The following HTR1F variants were observed in gnomAD, a reference collection of about 807,000 sequenced individuals.
HTR1F encodes 5-hydroxytryptamine (serotonin) receptor 1F, G protein-coupled.
HTR1F carries 17 observed loss-of-function variants against 24.0 expected under a neutral mutation model. The observed-to-expected ratio is 0.71, with a 90% CI of 0.48 to 1.06. HTR1F has a LOEUF of 1.06. Ranked by LOEUF, HTR1F falls within the 50% of genes least tolerant of loss-of-function variation. The probability of loss-of-function intolerance (pLI) is 0.00; values close to 1 mark genes in which losing one functional copy is unlikely to be tolerated. For synonymous variants in HTR1F, 186 were observed against 156.8 expected, an observed-to-expected ratio of 1.19 and a Z score of -1.39; for missense variants, 391 against 427.8, an observed-to-expected ratio of 0.91 and a Z score of 0.76.
At chr3:87,850,915 T>C (rs1167762826) in intron 2 of HTR1F, among the ~76,000 whole-genome samples, 3 of 151,642 alleles carry the variant, frequency 2.0e-5, no homozygotes, top group Admixed American at 6.6e-5. Context: ...CATCACAGTT[T>C]TTTATTTACC....
At chr3:87,907,003 C>G (rs1294286466) in intron 2 of HTR1F, among the ~76,000 whole-genome samples, 1 of 151,996 alleles carries the variant, frequency 6.6e-6, no homozygotes, top group Non-Finnish European at 1.5e-5. Flanking sequence ...TATGCATGTG[C>G]AACTATCTTT....
intron 2 of HTR1F, among the ~76,000 whole-genome samples, chr3:87,823,770 C>CA (rs1704407452): frequency 1.3e-5 from 2 of 151,906 alleles, no homozygotes; most frequent in South Asian, 4.2e-4. Flanking sequence ...TTAAAAAAAA[C>CA]AAAAACAGGC....
intron 1 of HTR1F, chr3:87,793,496 G>A (rs950974063): frequency 4.6e-5 from 7 of 152,204 alleles, no homozygotes; most frequent in Non-Finnish European, 1.0e-4. Context: ...ACTCAAGGTA[G>A]GGTTGTTGGC....
In HTR1F at chr3:87,987,709, T is replaced by TATATGTATTTTATATATATAAA. The variant is rs1559660140; in HGVS notation, c.-42-2995_-42-2994insGTATTTTATATATATAAAATAT. Among the ~76,000 whole-genome samples the TATATGTATTTTATATATATAAA allele has an allele frequency of 6.2e-5, 7 of 112,094 alleles. 1 individual carries two copies. Among genetic ancestry groups the TATATGTATTTTATATATATAAA allele is most frequent in the African/African-American group, 2.5e-4 (7 of 27,940 alleles). 73.5% of individuals were successfully genotyped at this position (112,094 alleles called of 152,430 possible). A position where few individuals can be genotyped will look rare whatever the true frequency, so the allele number is the denominator to read the frequency against. On this transcript the variant is annotated intron_variant, in intron 2 of 2. Transcript: ENST00000319595. ...TTATATATATAAAATATATGTATTATATATATGTATTTTATATATGTATTT... is the reference window on the plus strand; with the variant it reads ...TTATATATATAAAATATATGTATTATATATGTATTTTATATATATAAAATATATGTATTTTATATATGTATTT...
chr3:87,961,634 T>A (rs1705062226), intron 2 of HTR1F, among the ~76,000 whole-genome samples: 1 of 151,962 alleles, frequency 6.6e-6, no homozygotes, highest in Non-Finnish European at 1.5e-5. Flanking sequence ...AACTTTAAAA[T>A]TTTTTTGAAC....
Position 87,991,197 on chromosome 3 carries a change from A to G in HTR1F, c.448A>G (p.Ile150Val), listed in dbSNP as rs1193343404. 2 of 1,613,878 alleles carry G rather than the reference A, an allele frequency of 1.2e-6. No homozygotes were observed. The highest frequency in any genetic ancestry group is 2.7e-5 in the African/African-American group (2 of 74,922). ...AGIMITIVWI[I>V]SVFISMPPLF... ...CATTATGATTACAATAGTTTGGATTATATCTGTTTTTATCTCTATGCCTCC... is the reference window on the plus strand; with the variant it reads ...CATTATGATTACAATAGTTTGGATTGTATCTGTTTTTATCTCTATGCCTCC... Residue 150 changes from isoleucine (I) to valine (V), a missense_variant, in exon 3 of 3, where the codon ATA (isoleucine) becomes GTA (valine). By Grantham distance (29) the Ile-to-Val change is conservative. Coordinates refer to ENST00000319595, the MANE Select transcript of HTR1F (RefSeq NM_001322209.2).
At chr3:87,816,767 T>C (rs573643635) in intron 1 of HTR1F, among the ~76,000 whole-genome samples, 36 of 152,232 alleles carry the variant, frequency 2.4e-4, no homozygotes, top group African/African-American at 8.7e-4. Context: ...GACTAGTGAC[T>C]AAAATAAGGT....
chr3:87,840,544 T>C (rs1390065786), intron 2 of HTR1F, among the ~76,000 whole-genome samples: 2 of 151,992 alleles, frequency 1.3e-5, no homozygotes, highest in Admixed American at 1.3e-4. Flanking sequence ...GTACAAAGCT[T>C]CCCACAATAA....
rs202117393 is a variant in HTR1F, at chr3:87,841,324, CA to C, written c.-43+19204del. Reference sequence around the variant, plus strand: ...ATAGAGTCTCTTGTAAACATTAAAGCAAAACTTCTCTAGGATTTTCTTAGTC... The same window carrying C: ...ATAGAGTCTCTTGTAAACATTAAAGCAAACTTCTCTAGGATTTTCTTAGTC... On this transcript the variant is annotated intron_variant, in intron 2 of 2. Coordinates refer to ENST00000319595, the MANE Select transcript of HTR1F (RefSeq NM_001322209.2). Among the ~76,000 whole-genome samples the C allele has an allele frequency of 1.6e-3, 237 of 151,808 alleles. 6 individuals are homozygous for C. The East Asian group carries it at 0.038, about 24-fold the overall frequency.
intron 2 of HTR1F, among the ~76,000 whole-genome samples, chr3:87,855,725 A>C (rs1318731464): frequency 2.0e-5 from 3 of 152,034 alleles, no homozygotes; most frequent in Non-Finnish European, 4.4e-5. Flanking sequence ...AACAATTCAT[A>C]AGATTTAAGT....
intron 2 of HTR1F, among the ~76,000 whole-genome samples, chr3:87,951,439 T>C (rs1415172230): frequency 6.6e-6 from 1 of 152,134 alleles, no homozygotes; most frequent in Non-Finnish European, 1.5e-5. Context: ...ATTCAATAAA[T>C]ACTTTCTAAA....
At chr3:87,875,521 A>G (rs1705650950) in intron 2 of HTR1F, among the ~76,000 whole-genome samples, 1 of 152,254 alleles carries the variant, frequency 6.6e-6, no homozygotes, top group Admixed American at 6.5e-5. Context: ...GCAACCTATG[A>G]AATGGGAGAA....
chr3:87,899,102 A>T (rs1180240602), intron 2 of HTR1F, among the ~76,000 whole-genome samples: 1 of 152,188 alleles, frequency 6.6e-6, no homozygotes, highest in African/African-American at 2.4e-5. Flanking sequence ...GCCCTCTTTC[A>T]GCCTTATGAA....
Position 87,991,695 on chromosome 3 carries a change from G to A in HTR1F, c.946G>A (p.Val316Ile), listed in dbSNP as rs558842950. 2.5e-6 allele frequency: 4 copies of A among 1,613,824 alleles called. No homozygotes were observed. The African/African-American group carries it at 5.3e-5, about 22-fold the overall frequency. ...TCCTTTTTTTGTAAAAGAATTAGTT[G>A]TTAATGTCTGTGACAAATGTAAAAT... The part of the protein sequence containing the change: ...WLPFFVKELV[V>I]NVCDKCKISE... The change falls in exon 3 of 3, where the codon GTT becomes ATT. Residue 316 changes from valine (V) to isoleucine (I), a missense_variant. Val to Ile is a conservative substitution (Grantham distance 29). Transcript: ENST00000319595.
chr3:87,824,248 T>A (rs575699957), intron 2 of HTR1F, among the ~76,000 whole-genome samples: 1 of 152,322 alleles, frequency 6.6e-6, no homozygotes, highest in South Asian at 2.1e-4. Flanking sequence ...CCTATTATAG[T>A]CCTACTATAC....
At chr3:87,962,471 T>C (rs1705083115) in intron 2 of HTR1F, among the ~76,000 whole-genome samples, 1 of 152,050 alleles carries the variant, frequency 6.6e-6, no homozygotes, top group African/African-American at 2.4e-5. Flanking sequence ...AGAGACGACA[T>C]GAACTTCATT....
At chr3:87,798,802 C>T (rs1394541332) in intron 1 of HTR1F, among the ~76,000 whole-genome samples, 1 of 152,150 alleles carries the variant, frequency 6.6e-6, no homozygotes. Flanking sequence ...CATTAATCAT[C>T]CATGCCTTAT....
At chr3:87,926,054 C>T (rs905751793) in intron 2 of HTR1F, among the ~76,000 whole-genome samples, 1 of 152,182 alleles carries the variant, frequency 6.6e-6, no homozygotes, top group African/African-American at 2.4e-5. Flanking sequence ...TTCCTAAAAG[C>T]AGATACATTT....
At chr3:87,936,135 C>T (rs976231466) in intron 2 of HTR1F, among the ~76,000 whole-genome samples, 5 of 152,214 alleles carry the variant, frequency 3.3e-5, no homozygotes, top group African/African-American at 1.2e-4. Flanking sequence ...CAGGCGTGAG[C>T]CACTGCACCT....
Sources: allele counts gnomAD v4.1 joint callset (sites outside exome capture counted in the v4.1 genomes callset), GRCh38; gene constraint gnomAD v4.1.1; transcripts MANE v1.5; gene names NCBI Gene and HGNC (gene_info 2026-07-23, HGNC 2026-07-21).